Variants in C13orf46 observed in about 807,000 individuals in gnomAD.
C13orf46 encodes chromosome 13 open reading frame 46.
chr13:113,929,309 T>G, the C13orf46 span, among the ~76,000 whole-genome samples: 1 of 152,206 alleles, frequency 6.6e-6, no homozygotes, highest in Non-Finnish European at 1.5e-5. Flanking sequence ...GCAGAGCAGG[T>G]GGTGGTGGCT....
chr13:113,957,122 C>T, intron 6 of C13orf46, among the ~76,000 whole-genome samples: 1 of 145,126 alleles, frequency 6.9e-6, no homozygotes, highest in Admixed American at 6.9e-5. Flanking sequence ...TATGCATCCC[C>T]TTTTATCAAG....
the C13orf46 span, among the ~76,000 whole-genome samples, chr13:113,944,125 C>G: frequency 2.0e-5 from 3 of 152,202 alleles, 1 homozygote; most frequent in South Asian, 4.1e-4. Context: ...TGCTCCCCTC[C>G]TGCTGGAAAC....
chr13:113,951,858 G>A (rs2052490156), downstream of C13orf46, among the ~76,000 whole-genome samples: 1 of 152,250 alleles, frequency 6.6e-6, no homozygotes, highest in South Asian at 2.1e-4. Context: ...GGCGGCACCT[G>A]CTGCTCTGTG....
chr13:113,931,046 T>C, the C13orf46 span, among the ~76,000 whole-genome samples: 18 of 152,118 alleles, frequency 1.2e-4, no homozygotes, highest in African/African-American at 4.3e-4. Flanking sequence ...GGGGTTCTTG[T>C]GTTCACGTGT....
chr13:113,936,159 T>C, the C13orf46 span, among the ~76,000 whole-genome samples: 9 of 152,078 alleles, frequency 5.9e-5, no homozygotes, highest in Non-Finnish European at 1.5e-5. Flanking sequence ...TCAGCCCAGG[T>C]GAGTGTGGCT....
chr13:113,950,937 C>T (rs1467626445), downstream of C13orf46, among the ~76,000 whole-genome samples: 2 of 152,220 alleles, frequency 1.3e-5, no homozygotes, highest in South Asian at 2.1e-4. Context: ...GTGGCGCTGG[C>T]GAGGCTTGGG....
chr13:113,950,917 C>T (rs1021576923), downstream of C13orf46, among the ~76,000 whole-genome samples: 131 of 152,346 alleles, frequency 8.6e-4, 1 homozygote, highest in Admixed American at 1.6e-3. Context: ...CCCGGGGCCC[C>T]GGGATGTCCG....
intron 1 of C13orf46, among the ~76,000 whole-genome samples, chr13:113,971,016 T>C (rs2052699141): frequency 6.6e-6 from 1 of 152,184 alleles, no homozygotes; most frequent in Non-Finnish European, 1.5e-5. Context: ...TCCCAGGAGC[T>C]TGCAAACCAG....
intron 6 of C13orf46, among the ~76,000 whole-genome samples, chr13:113,959,165 G>T (rs2052567567): frequency 6.6e-6 from 1 of 152,192 alleles, no homozygotes; most frequent in Admixed American, 6.5e-5. Context: ...CCAGCTACTT[G>T]GGAGGCTGAG....
the C13orf46 span, among the ~76,000 whole-genome samples, chr13:113,945,671 A>AGAAC: frequency 7.5e-6 from 1 of 134,190 alleles, no homozygotes; most frequent in East Asian, 2.2e-4. Flanking sequence ...AAAGAAAGAA[A>AGAAC]GGAAAGAAAA....
chr13:113,952,186 G>T (rs1398373488), downstream of C13orf46, among the ~76,000 whole-genome samples: 3 of 152,220 alleles, frequency 2.0e-5, no homozygotes, highest in South Asian at 6.2e-4. Context: ...CACGGACACA[G>T]GTGTTTGGAG....
the C13orf46 span, among the ~76,000 whole-genome samples, chr13:113,938,826 A>C: frequency 6.6e-6 from 1 of 152,076 alleles, no homozygotes; most frequent in Admixed American, 6.6e-5. Context: ...CCCACTGCCC[A>C]GCACGTCCTT....
chr13:113,972,137 C>G (rs1384897637), intron 1 of C13orf46, among the ~76,000 whole-genome samples: 2 of 152,218 alleles, frequency 1.3e-5, no homozygotes, highest in African/African-American at 4.8e-5. Flanking sequence ...CTCCATCCGA[C>G]CCCGGCCTCT....
At chr13:113,936,318 C>T in the C13orf46 span, among the ~76,000 whole-genome samples, 15,076 of 152,264 alleles carry the variant, frequency 0.099, 1,039 homozygotes, top group Non-Finnish European at 0.15. Context: ...GCCGTCCTTG[C>T]GCCCAGAGTG....
rs1240137334 is a variant in C13orf46, at chr13:113,974,036, C to T, written c.-39G>A. On this transcript the variant is annotated 5_prime_UTR_variant, in exon 1 of 7. Transcript: ENST00000636427. ...CTCGGCTTGAGCACAAGGCTGCCAC[C>T]CTCACACCCAGCCGTCCCGCAGGGA... The T allele has an allele frequency of 6.6e-6, 1 of 152,646 alleles. No individual in the cohort carries two copies. Among genetic ancestry groups the T allele is most frequent in the African/African-American group, 2.4e-5 (1 of 41,480 alleles). The allele number at this position is 152,646 out of a possible 1,614,324, so 9.5% of individuals were successfully genotyped here.
At chr13:113,973,369 C>T (rs1340042942) in intron 1 of C13orf46, among the ~76,000 whole-genome samples, 1 of 152,176 alleles carries the variant, frequency 6.6e-6, no homozygotes, top group Non-Finnish European at 1.5e-5. Context: ...TCCGACAGCT[C>T]CCTCTGGGCT....
chr13:113,945,731 T>C, the C13orf46 span, among the ~76,000 whole-genome samples: 2 of 152,090 alleles, frequency 1.3e-5, no homozygotes, highest in Non-Finnish European at 2.9e-5. Context: ...CCCTTAATAC[T>C]GTGCTCTAGT....
rs2052538236 is a variant in C13orf46, at chr13:113,956,761, C to G, written c.*12G>C. ...TCTTCTTCGCCAAGCTCTGAGCACCCTCTCCGGGGCGCTAGGTGCTCTCCT... is the reference window on the plus strand; with the variant it reads ...TCTTCTTCGCCAAGCTCTGAGCACCGTCTCCGGGGCGCTAGGTGCTCTCCT... On this transcript the variant is annotated 3_prime_UTR_variant, in exon 7 of 7. Transcript: ENST00000636427. The G allele has an allele frequency of 6.6e-6, 1 of 152,400 alleles. No individual in the cohort carries two copies. The highest frequency in any genetic ancestry group is 1.5e-5 in the Non-Finnish European group (1 of 68,170). 9.4% of individuals were successfully genotyped at this position (152,400 alleles called of 1,614,324 possible).
rs1366743788 is a variant in C13orf46 at position 113,955,762 on chromosome 13, TCCGGCGGAGACGAGGAGCAG to T, written c.*991_*1010del. The T allele has an allele frequency of 0.098, 13,649 of 138,924 alleles. 892 individuals carry two copies. The highest frequency in any genetic ancestry group is 0.14 in the Middle Eastern group (30 of 218). 8.6% of individuals were successfully genotyped at this position (138,924 alleles called of 1,614,324 possible). ...TAGTGTCTGGCAGAGAGGAGGAGCA[TCCGGCGGAGACGAGGAGCAG>T]CCGGCGGAGACGAGGAGCAGCCGGC... On this transcript the variant is annotated 3_prime_UTR_variant, in exon 7 of 7. Coordinates refer to ENST00000636427, the MANE Select transcript of C13orf46 (RefSeq NM_001365455.2).
Sources: allele counts gnomAD v4.1 joint callset (sites outside exome capture counted in the v4.1 genomes callset), GRCh38; gene constraint gnomAD v4.1.1; transcripts MANE v1.5; gene names NCBI Gene and HGNC (gene_info 2026-07-23, HGNC 2026-07-21).